Variants in HMCN1 observed in about 807,000 individuals in gnomAD.
HMCN1 encodes the protein hemicentin 1, also known as hemicentin-1.
Under a neutral mutation model 625.9 loss-of-function variants are expected in HMCN1, and 321 were observed. The ratio of observed to expected loss-of-function variants is 0.51; its 90% CI spans 0.47 to 0.56. The LOEUF is 0.56. Among genes scored for constraint, HMCN1 ranks in the 20% least tolerant of loss-of-function variants. HMCN1 has a pLI of 0.00. For synonymous variants in HMCN1, 2,425 were observed against 2,417.6 expected (o/e 1.00, Z -0.09); for missense variants, 6,588 against 6,887.3 (o/e 0.96, Z 1.54).
intron 1 of HMCN1, among the ~76,000 whole-genome samples, chr1:185,838,474 A>T (rs1178255467): frequency 6.6e-6 from 1 of 152,074 alleles, no homozygotes; most frequent in Non-Finnish European, 1.5e-5. Flanking sequence ...TCTTGTTCCC[A>T]TATACAGATT....
intron 45 of HMCN1, among the ~76,000 whole-genome samples, chr1:186,056,795 A>G (rs937755849): frequency 1.3e-5 from 2 of 151,930 alleles, no homozygotes; most frequent in African/African-American, 2.4e-5. Context: ...CTTGGGTTCT[A>G]TGCTTACCAC....
At chr1:186,030,918 G>A (rs1167180133) in intron 36 of HMCN1, among the ~76,000 whole-genome samples, 1 of 151,658 alleles carries the variant, frequency 6.6e-6, no homozygotes, top group African/African-American at 2.4e-5. Flanking sequence ...CAAAAATTTT[G>A]TTCTTAATTA....
At chr1:185,961,363 G>T (rs1347499150) in intron 11 of HMCN1, among the ~76,000 whole-genome samples, 1 of 152,172 alleles carries the variant, frequency 6.6e-6, no homozygotes, top group Non-Finnish European at 1.5e-5. Context: ...TTTATTTATA[G>T]TAAAAACCAA....
intron 15 of HMCN1, among the ~76,000 whole-genome samples, chr1:185,971,077 A>T (rs149203402): frequency 6.6e-6 from 1 of 152,354 alleles, no homozygotes; most frequent in East Asian, 1.9e-4. Flanking sequence ...GATCAGAGTT[A>T]CAGAGTTAGG....
intron 42 of HMCN1, among the ~76,000 whole-genome samples, chr1:186,052,417 C>T (rs560215990): frequency 1.4e-4 from 22 of 152,108 alleles, no homozygotes; most frequent in Admixed American, 1.4e-3. Context: ...TTGAAGGTTC[C>T]AGAGAGAAGC....
intron 9 of HMCN1, among the ~76,000 whole-genome samples, 154 bp downstream of exon 9, chr1:185,925,345 G>C (rs1667224760): frequency 6.6e-6 from 1 of 152,212 alleles, no homozygotes; most frequent in Admixed American, 6.5e-5. Context: ...CTGTGCCGTT[G>C]TGGAGCTTAT....
intron 17 of HMCN1, among the ~76,000 whole-genome samples, 178 bp downstream of exon 17, chr1:185,981,251 C>T (rs545690059): frequency 5.9e-5 from 9 of 152,018 alleles, no homozygotes; most frequent in Admixed American, 5.9e-4. Flanking sequence ...CTGGAAATAA[C>T]CTTAGAGATT....
intron 35 of HMCN1, among the ~76,000 whole-genome samples, chr1:186,022,546 G>A (rs1211741738): frequency 2.6e-5 from 4 of 152,260 alleles, no homozygotes; most frequent in African/African-American, 9.6e-5. Flanking sequence ...GCCAGTTGCA[G>A]TAGGTTTAAG....
rs768284133 is a variant in HMCN1 at position 186,145,447 on chromosome 1, C to T, written c.14311C>T (p.Arg4771Trp). ...TTGGAGTGGCTGGGGAACATGCAGC[C>T]GGACGTGTAACGGAGGGCAGATGCG... ...SPWSGWGTCS[R>W]TCNGGQMRRY... The change falls in exon 92 of 107, where the codon CGG (arginine) becomes TGG (tryptophan). Residue 4771 changes from arginine to tryptophan, a missense_variant. Arg to Trp is a moderately radical substitution (Grantham distance 101). Transcript: ENST00000271588. 15 of 1,602,504 alleles carry T rather than the reference C, an allele frequency of 9.4e-6. No homozygotes were observed. Among genetic ancestry groups the T allele is most frequent in the Middle Eastern group, 1.7e-4 (1 of 5,988 alleles).
intron 1 of HMCN1, among the ~76,000 whole-genome samples, chr1:185,770,491 T>C (rs1017266910): frequency 6.6e-6 from 1 of 152,212 alleles, no homozygotes; most frequent in African/African-American, 2.4e-5. Flanking sequence ...TGGCTAGCTA[T>C]GATTTTCTTG....
chr1:186,028,364 A>G (rs1655197935), intron 36 of HMCN1, among the ~76,000 whole-genome samples: 1 of 152,192 alleles, frequency 6.6e-6, no homozygotes, highest in Non-Finnish European at 1.5e-5. Flanking sequence ...TGCTCTATCT[A>G]GAACAATGTT....
Position 185,919,074 on chromosome 1 carries a change from C to CATATATATATATATATATAT in HMCN1, c.901-3288_901-3287insTATATATATATATATATATA, listed in dbSNP as rs60205431. 5.5e-4 allele frequency among the ~76,000 whole-genome samples: 80 copies of CATATATATATATATATATAT among 146,102 alleles called. 1 individual carries two copies. Among genetic ancestry groups the CATATATATATATATATATAT allele is most frequent in the African/African-American group, 2.0e-3 (79 of 38,910 alleles). ...AATTTTGGCCTCACTAATTTTAGGA[C>CATATATATATATATATATAT]ATATATATATATATATAATTTTATT... is the stretch of plus-strand genomic sequence containing the variant. On this transcript the variant is annotated intron_variant, in intron 6 of 106. Coordinates refer to ENST00000271588, the MANE Select transcript of HMCN1 (RefSeq NM_031935.3).
At chr1:185,804,024 T>C (rs1243602488) in intron 1 of HMCN1, among the ~76,000 whole-genome samples, 1 of 152,104 alleles carries the variant, frequency 6.6e-6, no homozygotes, top group Non-Finnish European at 1.5e-5. Context: ...GATGTGTGAA[T>C]TGGTACAGAA....
intron 1 of HMCN1, among the ~76,000 whole-genome samples, chr1:185,797,055 G>A (rs7544394): frequency 1.3e-5 from 2 of 152,042 alleles, no homozygotes; most frequent in Non-Finnish European, 2.9e-5. Flanking sequence ...GTGTAAGATG[G>A]TATCTCATTG....
chr1:186,070,698 T>C lies in HMCN1; in HGVS notation c.8080T>C (p.Leu2694=). 6.2e-7 allele frequency: 1 copy of C among 1,613,922 alleles called. No homozygotes were observed. The highest frequency in any genetic ancestry group is 2.2e-5 in the East Asian group (1 of 44,848). Residue 2694 remains leucine (L), a synonymous_variant, in exon 52 of 107, where the codon TTG becomes CTG. Transcript: ENST00000271588. ...VKIKVNNTLT[L]ECEAYAIPSA... is the part of the protein sequence containing the mutation. ...GATCAAAGTAAACAACACTCTGACC[T>C]TGGAATGTGAAGCGTATGCAATTCC...
chr1:185,893,507 TAAC>T (rs1426386632), intron 4 of HMCN1, among the ~76,000 whole-genome samples: 1 of 152,218 alleles, frequency 6.6e-6, no homozygotes, highest in East Asian at 1.9e-4. Context: ...ATATTTATAT[TAAC>T]AATTAATATT....
Position 186,151,303 on chromosome 1 carries a change from T to C in HMCN1, c.14712T>C (p.Asp4904=). The C allele has an allele frequency of 2.5e-6, 4 of 1,613,700 alleles. No individual in the cohort carries two copies. The highest frequency in any genetic ancestry group is 3.4e-6 in the Non-Finnish European group (4 of 1,179,658). Residue 4904 remains aspartate, a synonymous_variant, in exon 94 of 107, where the codon GAT becomes GAC. Transcript: ENST00000271588. ...CAATAACTGATAGCCCTAACTCTGA[T>C]ACTAGAATAATACGTGCCAAAATTA... The part of the protein sequence containing the change: ...NATITDSPNS[D]TRIIRAKITN...
At chr1:186,096,645 A>T (rs1171226840) in intron 68 of HMCN1, among the ~76,000 whole-genome samples, 1 of 152,152 alleles carries the variant, frequency 6.6e-6, no homozygotes, top group Admixed American at 6.5e-5. Flanking sequence ...AAAAATGCTC[A>T]ACAAAATACT....
chr1:185,769,378 G>T (rs1378228791), intron 1 of HMCN1, among the ~76,000 whole-genome samples: 1 of 152,044 alleles, frequency 6.6e-6, no homozygotes, highest in Admixed American at 6.6e-5. Flanking sequence ...AGCCCAGGAG[G>T]TCAAGGTGCA....
Sources: allele counts gnomAD v4.1 joint callset (sites outside exome capture counted in the v4.1 genomes callset), GRCh38; gene constraint gnomAD v4.1.1; transcripts MANE v1.5; gene names NCBI Gene and HGNC (gene_info 2026-07-23, HGNC 2026-07-21).